The following COL19A1 variants were observed in gnomAD, a reference collection of about 807,000 sequenced individuals.
COL19A1 encodes the protein collagen alpha-1(XIX) chain.
A neutral mutation model predicts 190.2 loss-of-function variants in COL19A1; 159 were observed. The observed-to-expected ratio is 0.84, with a 90% CI of 0.73 to 0.95. COL19A1 has a LOEUF of 0.95. Ranked by LOEUF, COL19A1 falls within the 40% of genes least tolerant of loss-of-function variation. The pLI, the probability that COL19A1 is intolerant of heterozygous loss-of-function variation, is 0.00. For synonymous variants in COL19A1, 509 were observed against 458.9 expected, an observed-to-expected ratio of 1.11 and a Z score of -1.39; for missense variants, 1,418 against 1,431.9, an observed-to-expected ratio of 0.99 and a Z score of 0.16.
chr6:70,159,389 C>CATGCACACATGCCCATGT (rs1211302938), intron 34 of COL19A1, among the ~76,000 whole-genome samples: 4 of 151,766 alleles, frequency 2.6e-5, no homozygotes. Context: ...AGAGCCTGCA[C>CATGCACACATGCCCATGT]ATGCACACAT....
intron 14 of COL19A1, among the ~76,000 whole-genome samples, chr6:70,042,650 A>G (rs12198026): frequency 0.32 from 48,376 of 152,018 alleles, 9,751 homozygotes; most frequent in Non-Finnish European, 0.44. Flanking sequence ...TCCTTTCATG[A>G]AAGATTTCTC....
intron 40 of COL19A1, among the ~76,000 whole-genome samples, chr6:70,169,110 T>C (rs1765346885): frequency 6.6e-6 from 1 of 152,168 alleles, no homozygotes; most frequent in South Asian, 2.1e-4. Flanking sequence ...TTAAACGTCT[T>C]AGGCAATTAT....
At chr6:70,186,626 T>C (rs996698778) in intron 46 of COL19A1, among the ~76,000 whole-genome samples, 1 of 152,186 alleles carries the variant, frequency 6.6e-6, no homozygotes, top group African/African-American at 2.4e-5. Context: ...TCAAGCATCA[T>C]TCCGTCATAT....
chr6:70,088,192 T>C (rs1782693477), intron 15 of COL19A1, among the ~76,000 whole-genome samples: 1 of 152,180 alleles, frequency 6.6e-6, no homozygotes, highest in Non-Finnish European at 1.5e-5. Flanking sequence ...AAAGCCCCTT[T>C]CAAATGTATA....
intron 4 of COL19A1, among the ~76,000 whole-genome samples, chr6:69,921,725 TATTCGTATGTAGATTCGTATA>T: frequency 7.3e-6 from 1 of 137,306 alleles, no homozygotes. Flanking sequence ...GATTCGTATA[TATTCGTATGTAGATTCGTATA>T]TGTATATTCG....
intron 4 of COL19A1, among the ~76,000 whole-genome samples, chr6:69,923,869 G>C (rs938992820): frequency 7.9e-5 from 12 of 152,142 alleles, no homozygotes; most frequent in Non-Finnish European, 1.8e-4. Context: ...TTCAGCAAAG[G>C]CTGGGATGCT....
intron 16 of COL19A1, among the ~76,000 whole-genome samples, chr6:70,113,921 G>C (rs1165972311): frequency 7.3e-6 from 1 of 137,170 alleles, no homozygotes; most frequent in African/African-American, 2.8e-5. Flanking sequence ...CGTGATCTCA[G>C]CTAACTGCAA....
chr6:69,875,703 A>T (rs1237494002), intron 1 of COL19A1, among the ~76,000 whole-genome samples: 3 of 152,152 alleles, frequency 2.0e-5, no homozygotes, highest in African/African-American at 4.8e-5. Flanking sequence ...GACTGGGAAG[A>T]GCATGAGAAG....
rs568222456 is a variant in COL19A1, at chr6:70,177,277, A to G, written c.2667+713A>G. On this transcript the variant is annotated intron_variant, in intron 42 of 50. Transcript: ENST00000620364. The stretch of plus-strand genomic sequence containing the variant: ...TCCTGCAGGGCAGGTCCAGGATAAC[A>G]TTACAGGAAAGTCAATGGAAACCAT... Among the ~76,000 whole-genome samples, 7 of 152,276 alleles carry G rather than the reference A, an allele frequency of 4.6e-5. No homozygotes were observed. The East Asian group carries it at 1.4e-3, about 29-fold the overall frequency.
At chr6:70,148,708 C>T (rs909884031) in intron 27 of COL19A1, among the ~76,000 whole-genome samples, 1 of 152,086 alleles carries the variant, frequency 6.6e-6, no homozygotes, top group Non-Finnish European at 1.5e-5. Context: ...AGGTGGATCA[C>T]TTGAGGTCAG....
At chr6:69,989,992 A>G (rs1306923599) in intron 11 of COL19A1, among the ~76,000 whole-genome samples, 1 of 152,142 alleles carries the variant, frequency 6.6e-6, no homozygotes, top group Non-Finnish European at 1.5e-5. Flanking sequence ...TATCTTGTTA[A>G]GAAAATTCTC....
intron 15 of COL19A1, among the ~76,000 whole-genome samples, chr6:70,070,115 G>T (rs918707362): frequency 6.6e-6 from 1 of 152,024 alleles, no homozygotes; most frequent in Non-Finnish European, 1.5e-5. Flanking sequence ...CACATTTCTT[G>T]ATTTGGCTTG....
chr6:69,917,728 G>T (rs776533717), intron 4 of COL19A1, among the ~76,000 whole-genome samples: 1 of 152,074 alleles, frequency 6.6e-6, no homozygotes, highest in African/African-American at 2.4e-5. Context: ...TAAATCAAGG[G>T]TGTCGAATCT....
Position 70,134,617 on chromosome 6 carries a change from C to T in COL19A1, c.1384-3068C>T, listed in dbSNP as rs575899131. ...CACTGCTGTAGAATATTTGTACTGA[C>T]AGGTCTGCAAGTTGGCTTCTTATCC... On this transcript the variant is annotated intron_variant, in intron 18 of 50. Coordinates refer to ENST00000620364, the MANE Select transcript of COL19A1 (RefSeq NM_001858.6). 2.6e-5 allele frequency among the ~76,000 whole-genome samples: 4 copies of T among 152,296 alleles called. No individual in the cohort carries two copies. In the East Asian group the frequency reaches 7.7e-4, roughly 29 times the overall value.
At chr6:70,157,263 T>C (rs547942146) in intron 34 of COL19A1, among the ~76,000 whole-genome samples, 268 of 152,260 alleles carry the variant, frequency 1.8e-3, no homozygotes, top group Admixed American at 2.6e-3. Context: ...TTACATCAGC[T>C]GCTCACCCGT....
At chr6:69,957,250 A>G (rs775857979) in intron 9 of COL19A1, among the ~76,000 whole-genome samples, 4 of 152,136 alleles carry the variant, frequency 2.6e-5, no homozygotes, top group Admixed American at 6.6e-5. Flanking sequence ...CAGTGATTAC[A>G]AGGACGTAAA....
intron 15 of COL19A1, among the ~76,000 whole-genome samples, chr6:70,100,087 GC>G (rs1289958680): frequency 6.6e-6 from 1 of 152,076 alleles, no homozygotes; most frequent in African/African-American, 2.4e-5. Context: ...CCCGCTTCCT[GC>G]CCAAATCAAT....
At chr6:69,895,580 C>T (rs1355202801) in intron 2 of COL19A1, among the ~76,000 whole-genome samples, 3 of 152,170 alleles carry the variant, frequency 2.0e-5, no homozygotes, top group Admixed American at 6.5e-5. Flanking sequence ...TCCCGCCAGA[C>T]TGTTCAAATC....
rs1767995339 is a variant in COL19A1 at position 70,207,943 on chromosome 6, CTG to C, written c.*671_*672del. The C allele has an allele frequency of 6.6e-6, 1 of 152,142 alleles. No homozygotes were observed. The highest frequency in any genetic ancestry group is 2.1e-4 in the South Asian group (1 of 4,822). 9.4% of individuals were successfully genotyped at this position (152,142 alleles called of 1,614,324 possible). A position where few individuals can be genotyped will look rare whatever the true frequency, so the allele number is the denominator to read the frequency against. On this transcript the variant is annotated 3_prime_UTR_variant, in exon 51 of 51. Transcript: ENST00000620364. ...AACTACTGAAATGATTTTGTTAATT[CTG>C]TATAATGAGCTCAATTCAAAGCAAT...
Sources: allele counts gnomAD v4.1 joint callset (sites outside exome capture counted in the v4.1 genomes callset), GRCh38; gene constraint gnomAD v4.1.1; transcripts MANE v1.5; gene names NCBI Gene and HGNC (gene_info 2026-07-23, HGNC 2026-07-21).